The following MALRD1 variants were observed in gnomAD, a reference collection of about 807,000 sequenced individuals.
MALRD1 encodes the protein MAM and LDL-receptor class A domain-containing protein 1.
MALRD1 carries 247 observed loss-of-function variants against 242.1 expected under a neutral mutation model. That is an observed-to-expected ratio of 1.02 (90% confidence interval 0.92 to 1.13). The LOEUF (loss-of-function observed/expected upper bound fraction) is 1.13, where lower values mean the gene tolerates loss of function less well. MALRD1 is among the 50% of genes most tolerant of loss of function. The pLI, the probability that MALRD1 is intolerant of heterozygous loss-of-function variation, is 0.00. For synonymous variants in MALRD1, 995 were observed against 866.6 expected (o/e 1.15, Z -2.60); for missense variants, 2,989 against 2,533.1 (o/e 1.18, Z -3.86).
intron 24 of MALRD1, among the ~76,000 whole-genome samples, chr10:19,338,462 G>A (rs1291284763): frequency 6.8e-6 from 1 of 146,102 alleles, no homozygotes; most frequent in East Asian, 1.9e-4. Flanking sequence ...AATTAATAAT[G>A]GATGTGATAG....
In MALRD1 at chr10:19,525,334, C is replaced by G. The variant is rs575113173; in HGVS notation, c.5321-5860C>G. Among the ~76,000 whole-genome samples, 12 of 152,080 alleles carry G rather than the reference C, an allele frequency of 7.9e-5. No individual in the cohort carries two copies. In the South Asian group the frequency reaches 2.5e-3, roughly 32 times the overall value. Reference sequence around the variant, plus strand: ...ATCTCGAGAGTGTAGCTAATCACATCTAAAAGACAAATTAGAATTTTTAAC... The same window carrying G: ...ATCTCGAGAGTGTAGCTAATCACATGTAAAAGACAAATTAGAATTTTTAAC... On this transcript the variant is annotated intron_variant, in intron 31 of 39. Coordinates refer to ENST00000454679, the MANE Select transcript of MALRD1 (RefSeq NM_001142308.3).
Position 19,389,441 on chromosome 10 carries a change from C to T in MALRD1, c.4688-11C>T, listed in dbSNP as rs1211738517. 3 of 1,549,300 alleles carry T rather than the reference C, an allele frequency of 1.9e-6. No homozygotes were observed. The highest frequency in any genetic ancestry group is 1.7e-4 in the Middle Eastern group (1 of 6,010). On this transcript the variant is annotated splice_polypyrimidine_tract_variant and intron_variant, in intron 27 of 39. Transcript: ENST00000454679. ...ATTTCGTTCTTCTCTGAATTCTGTCCTTGTTCCTAGGGCACTTCATGTATC... is the reference window on the plus strand; with the variant it reads ...ATTTCGTTCTTCTCTGAATTCTGTCTTTGTTCCTAGGGCACTTCATGTATC...
chr10:19,585,168 G>A (rs377706752), intron 33 of MALRD1, among the ~76,000 whole-genome samples: 2 of 152,040 alleles, frequency 1.3e-5, no homozygotes, highest in African/African-American at 2.4e-5. Flanking sequence ...ATGGGTCTTG[G>A]CTCTTTATCC....
chr10:19,515,568 TA>T (rs1432766253), intron 31 of MALRD1, among the ~76,000 whole-genome samples: 7 of 151,956 alleles, frequency 4.6e-5, no homozygotes, highest in Non-Finnish European at 4.4e-5. Flanking sequence ...TTTATTTATT[TA>T]TTTTTTTTGA....
At chr10:19,490,844 T>A (rs1438956306) in intron 29 of MALRD1, among the ~76,000 whole-genome samples, 2 of 152,204 alleles carry the variant, frequency 1.3e-5, no homozygotes, top group Non-Finnish European at 2.9e-5. Flanking sequence ...CTTTTTCATC[T>A]ACAAAAAATT....
chr10:19,415,925 G>A (rs927647289), intron 28 of MALRD1, among the ~76,000 whole-genome samples: 1 of 152,144 alleles, frequency 6.6e-6, no homozygotes, highest in Non-Finnish European at 1.5e-5. Context: ...GATAAATTTG[G>A]TAAAACTCAA....
chr10:19,671,213 C>A (rs1206337637), intron 36 of MALRD1, among the ~76,000 whole-genome samples: 13 of 152,062 alleles, frequency 8.5e-5, no homozygotes, highest in Non-Finnish European at 7.4e-5. Context: ...AACTTTAAAA[C>A]CCCTTCTATT....
In MALRD1 at chr10:19,183,115, GTTTTTT is replaced by G. The variant is rs71387051; in HGVS notation, c.1951+7798_1951+7803del. Among the ~76,000 whole-genome samples the G allele has an allele frequency of 3.1e-3, 427 of 137,876 alleles. 2 individuals carry two copies. Among genetic ancestry groups the G allele is most frequent in the African/African-American group, 0.011 (402 of 37,222 alleles). The allele number at this position is 137,876 out of a possible 152,430, so 90.5% of individuals were successfully genotyped here. On this transcript the variant is annotated intron_variant, in intron 14 of 39. Transcript: ENST00000454679. ...AGTTCTCTAAAGTCTTATTTTGAGGGTTTTTTTTTTTTTTTTGCCTGCTTTTTTGAA... is the reference window on the plus strand; with the variant it reads ...AGTTCTCTAAAGTCTTATTTTGAGGGTTTTTTTTTTGCCTGCTTTTTTGAA...
intron 31 of MALRD1, among the ~76,000 whole-genome samples, chr10:19,512,772 A>G (rs1377487818): frequency 6.6e-6 from 1 of 152,212 alleles, no homozygotes; most frequent in Non-Finnish European, 1.5e-5. Flanking sequence ...TTGACAAACC[A>G]AAAAATGCTT....
chr10:19,517,893 T>G (rs1833709495), intron 31 of MALRD1, among the ~76,000 whole-genome samples: 1 of 152,194 alleles, frequency 6.6e-6, no homozygotes, highest in African/African-American at 2.4e-5. Context: ...ACATCCCACT[T>G]CTGACACCAA....
chr10:19,146,962 T>C (rs1051059489), intron 11 of MALRD1, among the ~76,000 whole-genome samples: 6 of 152,216 alleles, frequency 3.9e-5, no homozygotes, highest in Non-Finnish European at 8.8e-5. Flanking sequence ...TTTGTTTTGT[T>C]CACATTTGTC....
At chr10:19,582,250 T>G (rs914238970) in intron 33 of MALRD1, among the ~76,000 whole-genome samples, 34 of 152,098 alleles carry the variant, frequency 2.2e-4, no homozygotes, top group African/African-American at 7.0e-4. Context: ...GCCAATTTTG[T>G]CTTTTGTTGC....
intron 5 of MALRD1, among the ~76,000 whole-genome samples, chr10:19,104,521 A>T (rs921691308): frequency 1.5e-4 from 23 of 152,112 alleles, no homozygotes; most frequent in African/African-American, 5.3e-4. Context: ...CATATATCAG[A>T]TATAAATTTT....
At chr10:19,320,240 G>A (rs1842868339) in intron 21 of MALRD1, among the ~76,000 whole-genome samples, 1 of 151,458 alleles carries the variant, frequency 6.6e-6, no homozygotes, top group South Asian at 2.1e-4. Context: ...CCCGCGACAG[G>A]CCCCAGTGTG....
chr10:19,629,471 A>G (rs1839815296), intron 36 of MALRD1, among the ~76,000 whole-genome samples: 1 of 152,200 alleles, frequency 6.6e-6, no homozygotes, highest in Non-Finnish European at 1.5e-5. Flanking sequence ...TCTAGAGTGT[A>G]AGAATCAGGA....
intron 33 of MALRD1, among the ~76,000 whole-genome samples, chr10:19,592,739 A>G (rs1185420174): frequency 8.7e-6 from 1 of 114,410 alleles, no homozygotes; most frequent in East Asian, 2.5e-4. Context: ...ACACACACAC[A>G]CACACACACA....
chr10:19,262,655 CA>C (rs34247984), intron 19 of MALRD1, among the ~76,000 whole-genome samples: 21,268 of 97,482 alleles, frequency 0.22, 1,392 homozygotes, highest in Middle Eastern at 0.26. Flanking sequence ...GAGTCTGTCT[CA>C]AAAAAAAAAA....
Position 19,567,545 on chromosome 10 carries a change from C to T in MALRD1, c.5522C>T (p.Ser1841Leu), listed in dbSNP as rs1156925872. ...EESGLNILVW[S>L]VIGNKRTGWT... Reference sequence around the variant, plus strand: ...TCGGGGCTAAACATCCTGGTGTGGTCAGTGATTGGAAATAAAAGAACGGGA... The same window carrying T: ...TCGGGGCTAAACATCCTGGTGTGGTTAGTGATTGGAAATAAAAGAACGGGA... The change falls in exon 33 of 40, where the codon TCA becomes TTA. Residue 1841 changes from serine (S) to leucine (L), a missense_variant. By Grantham distance (145) the Ser-to-Leu change is moderately radical. Coordinates refer to ENST00000454679, the MANE Select transcript of MALRD1 (RefSeq NM_001142308.3). 4.5e-6 allele frequency: 7 copies of T among 1,550,172 alleles called. No individual in the cohort carries two copies. Among genetic ancestry groups the T allele is most frequent in the Non-Finnish European group, 6.1e-6 (7 of 1,146,926 alleles).
At chr10:19,249,822 C>A (rs7923099) in intron 18 of MALRD1, among the ~76,000 whole-genome samples, 6,686 of 151,954 alleles carry the variant, frequency 0.044, 190 homozygotes, top group Middle Eastern at 0.079. Flanking sequence ...TGAGCTAGAA[C>A]AAAAGACAAA....
Sources: gnomAD v4.1 joint callset for allele counts (sites outside exome capture counted in the v4.1 genomes callset) on GRCh38, gnomAD v4.1.1 for gene constraint, MANE v1.5 for transcripts, NCBI Gene and HGNC (gene_info 2026-07-23, HGNC 2026-07-21) for gene names.